CAST: variants seen among roughly 807,000 people sequenced by gnomAD.
CAST encodes the protein MIR583 host.
In CAST, 76 loss-of-function variants were observed where a neutral mutation model predicts 119.6. The ratio of observed to expected loss-of-function variants is 0.64; its 90% CI spans 0.53 to 0.77. CAST has a LOEUF of 0.77. Ranked by LOEUF, CAST falls within the 30% of genes least tolerant of loss-of-function variation. The pLI is 0.00. For missense variants in CAST, 953 were observed against 946.5 expected (o/e 1.01, Z -0.09); for synonymous variants, 319 against 331.6 (o/e 0.96, Z 0.41).
chr5:96,578,798 C>G (rs1458866521), intron 1 of CAST, among the ~76,000 whole-genome samples: 1 of 151,978 alleles, frequency 6.6e-6, no homozygotes, highest in Non-Finnish European at 1.5e-5. Flanking sequence ...GACATTTTGT[C>G]TGTTTTTTTA....
the CAST span, among the ~76,000 whole-genome samples, chr5:96,243,786 G>A: frequency 3.3e-5 from 5 of 152,000 alleles, no homozygotes; most frequent in African/African-American, 4.8e-5. Context: ...ACCCTACTTT[G>A]GGTAAAACTA....
the CAST span, among the ~76,000 whole-genome samples, chr5:96,023,041 T>C: frequency 2.0e-5 from 3 of 152,200 alleles, no homozygotes; most frequent in African/African-American, 7.2e-5. Flanking sequence ...GTGGTAACCA[T>C]GTTGGAGGAA....
intron 1 of CAST, among the ~76,000 whole-genome samples, chr5:96,665,298 T>C (rs1749173603): frequency 6.6e-6 from 1 of 152,234 alleles, no homozygotes; most frequent in South Asian, 2.1e-4. Context: ...AATTGATATA[T>C]TTTACTTAAC....
the CAST span, among the ~76,000 whole-genome samples, chr5:96,383,753 C>G: frequency 6.6e-6 from 1 of 152,140 alleles, no homozygotes; most frequent in Non-Finnish European, 1.5e-5. Context: ...CCTAAGTACT[C>G]TTCAGTGAGT....
At chr5:96,728,326 G>C (rs1468192038) in intron 6 of CAST, 1 of 152,158 alleles carries the variant, frequency 6.6e-6, no homozygotes, top group Non-Finnish European at 1.5e-5. Flanking sequence ...AGGGTACTCC[G>C]AGTGAAGAAT....
At chr5:96,338,464 T>C in the CAST span, among the ~76,000 whole-genome samples, 31 of 152,304 alleles carry the variant, frequency 2.0e-4, no homozygotes, top group East Asian at 1.5e-3. Flanking sequence ...GGTTACAATA[T>C]AGGTAACTCA....
At chr5:96,558,434 A>G (rs578229634) in intron 1 of CAST, among the ~76,000 whole-genome samples, 17 of 152,294 alleles carry the variant, frequency 1.1e-4, no homozygotes, top group African/African-American at 3.6e-4. Context: ...TTTTTTGAAA[A>G]GATCAACAAA....
chr5:96,031,232 C>CAA, the CAST span, among the ~76,000 whole-genome samples: 35 of 63,658 alleles, frequency 5.5e-4, no homozygotes, highest in African/African-American at 1.3e-3. Context: ...AGAACATGAC[C>CAA]AAAAAAAAAA....
At chr5:96,610,697 G>A (rs1747344590) in intron 1 of CAST, among the ~76,000 whole-genome samples, 1 of 151,986 alleles carries the variant, frequency 6.6e-6, no homozygotes, top group Non-Finnish European at 1.5e-5. Flanking sequence ...AGAAAGAAAA[G>A]GCACCCAAAT....
chr5:96,109,060 G>A, the CAST span, among the ~76,000 whole-genome samples: 1 of 152,334 alleles, frequency 6.6e-6, no homozygotes, highest in East Asian at 1.9e-4. Flanking sequence ...TCTGAGTGAG[G>A]CAATGCCTCG....
chr5:96,097,531 T>C, the CAST span, among the ~76,000 whole-genome samples: 1 of 152,140 alleles, frequency 6.6e-6, no homozygotes, highest in Non-Finnish European at 1.5e-5. Flanking sequence ...CCTCTATATG[T>C]CCATGTATCC....
At chr5:96,744,783 C>A (rs1283998506) in intron 16 of CAST, among the ~76,000 whole-genome samples, 3 of 152,118 alleles carry the variant, frequency 2.0e-5, no homozygotes, top group Non-Finnish European at 4.4e-5. Flanking sequence ...CAGCATACCC[C>A]AGAATAGAGA....
At chr5:96,060,214 C>G in the CAST span, among the ~76,000 whole-genome samples, 1 of 152,074 alleles carries the variant, frequency 6.6e-6, no homozygotes, top group Admixed American at 6.6e-5. Context: ...GTTAACTCTC[C>G]CACCCTCTAA....
At chr5:95,986,170 C>T in the CAST span, 1 of 152,234 alleles carries the variant, frequency 6.6e-6, no homozygotes, top group Non-Finnish European at 1.5e-5. Flanking sequence ...TTGCTACCAT[C>T]ATACTTGAGA....
At chr5:96,569,621 T>C (rs1368597308) in intron 1 of CAST, among the ~76,000 whole-genome samples, 1 of 152,210 alleles carries the variant, frequency 6.6e-6, no homozygotes, top group Non-Finnish European at 1.5e-5. Context: ...TGGTTTGTGA[T>C]TCTCAGTTTC....
At chr5:96,552,376 C>G (rs889175171) in intron 1 of CAST, among the ~76,000 whole-genome samples, 3 of 152,106 alleles carry the variant, frequency 2.0e-5, no homozygotes, top group Non-Finnish European at 4.4e-5. Context: ...CCAATGAGAA[C>G]AAAGATACAA....
At chr5:96,405,085 T>C in the CAST span, among the ~76,000 whole-genome samples, 5 of 152,312 alleles carry the variant, frequency 3.3e-5, no homozygotes, top group East Asian at 1.9e-4. Flanking sequence ...AGCTTTGGTA[T>C]AGACAATTGA....
chr5:96,182,105 G>T, the CAST span, among the ~76,000 whole-genome samples: 1 of 152,142 alleles, frequency 6.6e-6, no homozygotes, highest in Non-Finnish European at 1.5e-5. Flanking sequence ...TTCAGTGAGG[G>T]TCTTAATATT....
the CAST span, among the ~76,000 whole-genome samples, chr5:96,138,088 A>G: frequency 3.0e-4 from 46 of 152,110 alleles, no homozygotes; most frequent in Non-Finnish European, 4.4e-5. Flanking sequence ...GTATTTTCCT[A>G]TGTTTTCTTT....
Sources: gnomAD v4.1 joint callset for allele counts (sites outside exome capture counted in the v4.1 genomes callset) on GRCh38, gnomAD v4.1.1 for gene constraint, MANE v1.5 for transcripts, NCBI Gene and HGNC (gene_info 2026-07-23, HGNC 2026-07-21) for gene names.